The following ZNF569 variants were observed in gnomAD, a reference collection of about 807,000 sequenced individuals.
ZNF569 encodes the protein zinc finger protein 569, also known as DNA-binding protein.
Under a neutral mutation model 56.3 loss-of-function variants are expected in ZNF569, and 38 were observed. The observed-to-expected ratio is 0.68, with a 90% CI of 0.52 to 0.88. ZNF569 has a LOEUF of 0.88. ZNF569 is among the 40% of genes least tolerant of loss of function. The pLI is 0.00. For synonymous variants in ZNF569, 241 were observed against 262.9 expected (o/e 0.92, Z 0.81); for missense variants, 666 against 809.2 (o/e 0.82, Z 2.15).
chr19:37,418,233 T>C (rs2040969897), intron 5 of ZNF569, among the ~76,000 whole-genome samples: 1 of 151,928 alleles, frequency 6.6e-6, no homozygotes, highest in South Asian at 2.1e-4. Flanking sequence ...GAAGAACCAA[T>C]AGGAAGGTTA....
intron 3 of ZNF569, among the ~76,000 whole-genome samples, chr19:37,439,123 T>C (rs954315445): frequency 1.3e-5 from 2 of 152,178 alleles, no homozygotes; most frequent in African/African-American, 4.8e-5. Flanking sequence ...CAGGCTGGAG[T>C]GCAGTGGTGC....
At chr19:37,468,039 G>T, upstream of ZNF569, 1 of 1,007,184 alleles carries the variant, frequency 9.9e-7, no homozygotes, top group South Asian at 1.4e-5. Flanking sequence ...TGTCATCTCA[G>T]ACTAGGTACT....
intron 5 of ZNF569, among the ~76,000 whole-genome samples, chr19:37,417,148 T>C (rs74471057): frequency 1.4e-4 from 21 of 152,332 alleles, no homozygotes; most frequent in Non-Finnish European, 2.8e-4. Context: ...TGTCTGGGGA[T>C]ACCAGAAGCT....
intron 3 of ZNF569, among the ~76,000 whole-genome samples, chr19:37,428,344 AAATGAATGAATG>A (rs553125324): frequency 2.9e-5 from 4 of 140,114 alleles, no homozygotes; most frequent in Non-Finnish European, 5.9e-5. Context: ...TCTCTACAAT[AAATGAATGAATG>A]AATGAATGAA....
intron 3 of ZNF569, among the ~76,000 whole-genome samples, chr19:37,429,623 C>T (rs1435990131): frequency 2.6e-5 from 4 of 152,204 alleles, no homozygotes. Flanking sequence ...GGCAAACAGC[C>T]TCCAGCTGCT....
chr19:37,424,339 A>C (rs1051373161), intron 5 of ZNF569, among the ~76,000 whole-genome samples: 4 of 152,156 alleles, frequency 2.6e-5, no homozygotes, highest in Non-Finnish European at 5.9e-5. Flanking sequence ...CGAAGATGCT[A>C]ATAATAGAAT....
At chr19:37,433,700 CAT>C (rs2041261819) in intron 3 of ZNF569, among the ~76,000 whole-genome samples, 1 of 152,082 alleles carries the variant, frequency 6.6e-6, no homozygotes, top group Admixed American at 6.6e-5. Context: ...AGTGGCACGA[CAT>C]ATTTACAGTG....
rs1276652173 is a variant in ZNF569, at chr19:37,412,787, TG to T, written c.1870del (p.His624IlefsTer30). The T allele has an allele frequency of 3.1e-6, 5 of 1,613,952 alleles. No homozygotes were observed. The highest frequency in any genetic ancestry group is 3.4e-6 in the Non-Finnish European group (4 of 1,179,966). On this transcript the variant is annotated frameshift_variant, in exon 6 of 6. Transcript: ENST00000316950. LOFTEE classifies it high-confidence loss of function. ...AFSQSSSLTI[H>X]IRGHTGEKPF... ...TTTCTCACCTGTATGTCCTCGTATA[TG>T]TATAGTAAGGGATGAGCTTTGGGAG...
Position 37,413,224 on chromosome 19 carries a change from T to C in ZNF569, c.1434A>G (p.Lys478=). ...CKECGKAFSQ[K]SNLIAHEKIH... ...TTTTTTCATGAGCAATGAGATTTGATTTCTGGCTAAAGGCTTTCCCACATT... is the reference window on the plus strand; with the variant it reads ...TTTTTTCATGAGCAATGAGATTTGACTTCTGGCTAAAGGCTTTCCCACATT... Residue 478 remains lysine (K), a synonymous_variant, in exon 6 of 6, where the codon AAA becomes AAG. Transcript: ENST00000316950. 6.2e-7 allele frequency: 1 copy of C among 1,610,662 alleles called. No individual in the cohort carries two copies. Among genetic ancestry groups the C allele is most frequent in the Non-Finnish European group, 8.5e-7 (1 of 1,178,954 alleles).
chr19:37,418,139 T>C (rs1196282706), intron 5 of ZNF569, among the ~76,000 whole-genome samples: 1 of 137,958 alleles, frequency 7.2e-6, no homozygotes, highest in Non-Finnish European at 1.5e-5. Context: ...AATAATAAAA[T>C]AAAGTTCTGT....
chr19:37,431,125 G>T (rs918860694), intron 3 of ZNF569, among the ~76,000 whole-genome samples: 2 of 152,268 alleles, frequency 1.3e-5, no homozygotes, highest in East Asian at 3.9e-4. Context: ...TAGGCCACAG[G>T]AATTGCAATT....
chr19:37,416,390 G>A (rs887287486), intron 5 of ZNF569, among the ~76,000 whole-genome samples: 1 of 151,860 alleles, frequency 6.6e-6, no homozygotes, highest in Non-Finnish European at 1.5e-5. Context: ...CATATGAATT[G>A]ATATTTATTT....
Position 37,414,138 on chromosome 19 carries a change from A to G in ZNF569, c.520T>C (p.Tyr174His). 1.2e-6 allele frequency: 2 copies of G among 1,613,772 alleles called. No individual in the cohort carries two copies. The highest frequency in any genetic ancestry group is 1.7e-6 in the Non-Finnish European group (2 of 1,179,884). The change falls in exon 6 of 6, where the codon TAT (tyrosine) becomes CAT (histidine). Residue 174 changes from tyrosine (Y) to histidine (H), a missense_variant. Physicochemically the swap from Tyr to His is moderately conservative, Grantham distance 83. Coordinates refer to ENST00000316950, the MANE Select transcript of ZNF569 (RefSeq NM_152484.3). ...ACAAAATGGGATGAGCTATTACCAT[A>G]TGATTTCACAGGTTCATTATATTCA... ...HCEYNEPVKS[Y>H]GNSSSHFVIT... is the part of the protein sequence containing the mutation.
chr19:37,413,632 AGCAAGGGAT>A lies in ZNF569; in HGVS notation c.1017_1025del (p.Ser340_Ala342del). On this transcript the variant is annotated inframe_deletion, in exon 6 of 6. Coordinates refer to ENST00000316950, the MANE Select transcript of ZNF569 (RefSeq NM_152484.3). Reference sequence around the variant, plus strand: ...CTCCTGTATGACTTCTCATATGAAGAGCAAGGGATGCAATTCGAGGGAAGGCTTTACCAC... The same window carrying A: ...CTCCTGTATGACTTCTCATATGAAGAGCAATTCGAGGGAAGGCTTTACCAC... 6.2e-7 allele frequency: 1 copy of A among 1,614,012 alleles called. No homozygotes were observed.
chr19:37,466,331 T>C lies in ZNF569; in HGVS notation c.-205+753A>G, dbSNP rs117091255. ...AAGTGTTGGGGATATCGATGTTTCA[T>C]ATAAAAACATATTTCCGGCCGGGCG... On this transcript the variant is annotated intron_variant, in intron 1 of 5. Transcript: ENST00000316950. Among the ~76,000 whole-genome samples the C allele has an allele frequency of 9.2e-5, 14 of 152,288 alleles. No individual in the cohort carries two copies. In the East Asian group the frequency reaches 2.7e-3, roughly 29 times the overall value.
chr19:37,435,927 T>C (rs1030877167), intron 3 of ZNF569, among the ~76,000 whole-genome samples: 61 of 152,266 alleles, frequency 4.0e-4, no homozygotes, highest in African/African-American at 1.4e-3. Flanking sequence ...CTTTCAGCAC[T>C]GGACAGACTA....
At chr19:37,468,114 T>TCA, upstream of ZNF569, 1 of 634,002 alleles carries the variant, frequency 1.6e-6, no homozygotes. Flanking sequence ...AGGCAGAGCC[T>TCA]CACTTTGTTG....
chr19:37,467,592 T>G (rs1358466656), upstream of ZNF569: 2 of 478,810 alleles, frequency 4.2e-6, no homozygotes, highest in South Asian at 3.2e-5. Context: ...TCCGTCTTTT[T>G]GGGTCTCTAC....
At chr19:37,432,130 T>G (rs1208007593) in intron 3 of ZNF569, among the ~76,000 whole-genome samples, 2 of 152,206 alleles carry the variant, frequency 1.3e-5, no homozygotes, top group Admixed American at 6.5e-5. Context: ...GAAACAAGAC[T>G]GGCTGGCTTT....
Sources: allele counts gnomAD v4.1 joint callset (sites outside exome capture counted in the v4.1 genomes callset), GRCh38; gene constraint gnomAD v4.1.1; transcripts MANE v1.5; gene names NCBI Gene and HGNC (gene_info 2026-07-23, HGNC 2026-07-21).